Variants in CSRNP3 observed in about 807,000 individuals in gnomAD.
The protein encoded by CSRNP3 is cysteine and serine rich nuclear protein 3.
A neutral mutation model predicts 48.0 loss-of-function variants in CSRNP3; 12 were observed. The ratio of observed to expected loss-of-function variants is 0.25; its 90% CI spans 0.16 to 0.41. The LOEUF is 0.41. Among genes scored for constraint, CSRNP3 ranks in the 10% least tolerant of loss-of-function variants. CSRNP3 has a pLI of 1.00. For missense variants in CSRNP3, 580 were observed against 724.4 expected (o/e 0.80, Z 2.29); for synonymous variants, 263 against 269.7 (o/e 0.98, Z 0.24).
At chr2:165,597,863 G>A (rs1044912358) in intron 4 of CSRNP3, among the ~76,000 whole-genome samples, 1 of 152,040 alleles carries the variant, frequency 6.6e-6, no homozygotes, top group African/African-American at 2.4e-5. Context: ...GATTTCATTA[G>A]TATGAAATCA....
At chr2:165,655,634 G>T (rs1686991030) in intron 4 of CSRNP3, among the ~76,000 whole-genome samples, 1 of 152,164 alleles carries the variant, frequency 6.6e-6, no homozygotes, top group South Asian at 2.1e-4. Context: ...AGCAGAAACT[G>T]CTCACTGTTC....
chr2:165,476,695 C>T (rs1574792128), intron 1 of CSRNP3, among the ~76,000 whole-genome samples: 4 of 152,336 alleles, frequency 2.6e-5, no homozygotes, highest in Admixed American at 6.5e-5. Flanking sequence ...TGCAATCAAA[C>T]AGGCATAGCC....
chr2:165,593,115 T>G (rs1685749975), intron 3 of CSRNP3, among the ~76,000 whole-genome samples: 2 of 152,290 alleles, frequency 1.3e-5, no homozygotes, highest in South Asian at 4.1e-4. Flanking sequence ...CCTCTTTTCT[T>G]TATAAATTAC....
intron 2 of CSRNP3, among the ~76,000 whole-genome samples, chr2:165,500,443 G>GTATA (rs34901472): frequency 0.011 from 1,572 of 142,824 alleles, 21 homozygotes; most frequent in African/African-American, 0.037. Context: ...ACACACACGT[G>GTATA]TATATATATA....
intron 2 of CSRNP3, among the ~76,000 whole-genome samples, chr2:165,510,074 A>G (rs997717307): frequency 1.3e-5 from 2 of 152,218 alleles, no homozygotes; most frequent in Non-Finnish European, 2.9e-5. Flanking sequence ...TCGGGGATAT[A>G]TAATATCAGC....
intron 3 of CSRNP3, among the ~76,000 whole-genome samples, chr2:165,529,475 A>G (rs1453019910): frequency 1.3e-5 from 2 of 152,152 alleles, no homozygotes; most frequent in Non-Finnish European, 2.9e-5. Context: ...GCCTTCTGCC[A>G]TGATTGTGAG....
At chr2:165,535,402 T>C (rs1234062163) in intron 3 of CSRNP3, among the ~76,000 whole-genome samples, 4 of 151,686 alleles carry the variant, frequency 2.6e-5, no homozygotes, top group South Asian at 2.1e-4. Flanking sequence ...CTTCTGCTGC[T>C]AGGAAGAAAA....
At chr2:165,552,897 T>G (rs1216854533) in intron 3 of CSRNP3, among the ~76,000 whole-genome samples, 1 of 152,070 alleles carries the variant, frequency 6.6e-6, no homozygotes, top group Non-Finnish European at 1.5e-5. Flanking sequence ...TTTCACCATG[T>G]TGGCAAGGCT....
At chr2:165,477,867 C>T (rs1683985992) in intron 1 of CSRNP3, among the ~76,000 whole-genome samples, 1 of 151,536 alleles carries the variant, frequency 6.6e-6, no homozygotes, top group African/African-American at 2.4e-5. Flanking sequence ...GTCCCAGCTA[C>T]CTGGGAGGCC....
intron 4 of CSRNP3, among the ~76,000 whole-genome samples, chr2:165,626,686 C>G (rs1277730693): frequency 6.6e-6 from 1 of 152,242 alleles, no homozygotes; most frequent in African/African-American, 2.4e-5. Context: ...CCTTTCATGG[C>G]TGCTGCCCTC....
At chr2:165,490,790 A>AAAT (rs1684194919) in intron 1 of CSRNP3, among the ~76,000 whole-genome samples, 1 of 139,180 alleles carries the variant, frequency 7.2e-6, no homozygotes, top group East Asian at 2.3e-4. Flanking sequence ...CTTTATACAA[A>AAAT]AATCAATTCA....
chr2:165,491,834 A>T (rs1282361272), intron 1 of CSRNP3, among the ~76,000 whole-genome samples: 1 of 132,080 alleles, frequency 7.6e-6, no homozygotes, highest in Non-Finnish European at 1.6e-5. Flanking sequence ...TAGCATTGGG[A>T]GATATACCTA....
At chr2:165,639,084 A>G (rs891684616) in intron 4 of CSRNP3, among the ~76,000 whole-genome samples, 3 of 152,184 alleles carry the variant, frequency 2.0e-5, no homozygotes, top group Non-Finnish European at 4.4e-5. Context: ...CAACAACACC[A>G]TAACTTATGC....
At chr2:165,614,357 A>G (rs1448696206) in intron 4 of CSRNP3, among the ~76,000 whole-genome samples, 2 of 152,184 alleles carry the variant, frequency 1.3e-5, no homozygotes, top group Non-Finnish European at 2.9e-5. Flanking sequence ...TTTTCTACAT[A>G]TAAAATCATG....
chr2:165,560,798 C>G (rs1182165801), intron 3 of CSRNP3, among the ~76,000 whole-genome samples: 1 of 152,168 alleles, frequency 6.6e-6, no homozygotes, highest in African/African-American at 2.4e-5. Context: ...AATGCAGATC[C>G]TTATGGTAAA....
At chr2:165,499,635 A>C (rs1684330242) in intron 2 of CSRNP3, among the ~76,000 whole-genome samples, 1 of 152,174 alleles carries the variant, frequency 6.6e-6, no homozygotes, top group Non-Finnish European at 1.5e-5. Context: ...ATAGTTAAGT[A>C]AGTCTCAAAA....
chr2:165,624,391 C>A (rs1686393352), intron 4 of CSRNP3, among the ~76,000 whole-genome samples: 1 of 152,158 alleles, frequency 6.6e-6, no homozygotes, highest in African/African-American at 2.4e-5. Flanking sequence ...CAGGCCAGTC[C>A]TTTTTTCTTC....
chr2:165,539,994 T>G (rs546638611), intron 3 of CSRNP3, among the ~76,000 whole-genome samples: 10 of 152,042 alleles, frequency 6.6e-5, no homozygotes, highest in Non-Finnish European at 1.5e-4. Context: ...AATGTACAAA[T>G]AAACCCAAAG....
chr2:165,560,319 C>G (rs549446383), intron 3 of CSRNP3, among the ~76,000 whole-genome samples: 46 of 152,142 alleles, frequency 3.0e-4, no homozygotes, highest in Admixed American at 3.3e-4. Flanking sequence ...AGAAATTACT[C>G]AGTGACTTTT....
Sources: allele counts gnomAD v4.1 joint callset (sites outside exome capture counted in the v4.1 genomes callset), GRCh38; gene constraint gnomAD v4.1.1; transcripts MANE v1.5; gene names NCBI Gene and HGNC (gene_info 2026-07-23, HGNC 2026-07-21).